USP46: variants seen among roughly 807,000 people sequenced by gnomAD.
USP46 encodes the protein ubiquitin carboxyl-terminal hydrolase 46.
In USP46, 12 loss-of-function variants were observed where a neutral mutation model predicts 44.4. The observed-to-expected ratio is 0.27, with a 90% CI of 0.17 to 0.44. USP46 has a LOEUF of 0.44. Among genes scored for constraint, USP46 ranks in the 20% least tolerant of loss-of-function variants. The pLI is 1.00. For missense variants in USP46, 248 were observed against 444.8 expected (o/e 0.56, Z 3.98); for synonymous variants, 155 against 161.5 (o/e 0.96, Z 0.31).
intron 1 of USP46, chr4:52,658,305 G>C (rs1254329204): frequency 2.2e-6 from 1 of 456,142 alleles, no homozygotes; most frequent in East Asian, 7.0e-5. Context: ...GAAAGCAATG[G>C]GGGAAACCCA....
chr4:52,598,352 T>C (rs1716324701), intron 8 of USP46, among the ~76,000 whole-genome samples: 1 of 152,202 alleles, frequency 6.6e-6, no homozygotes, highest in Non-Finnish European at 1.5e-5. Flanking sequence ...GAAACAAGAC[T>C]TAGACTGAAG....
Position 52,659,015 on chromosome 4 carries a change from C to T in USP46, c.36+100G>A. 1 of 1,402,320 alleles carries T rather than the reference C, an allele frequency of 7.1e-7. No individual in the cohort carries two copies. Among genetic ancestry groups the T allele is most frequent in the Non-Finnish European group, 9.5e-7 (1 of 1,057,224 alleles). The allele number at this position is 1,402,320 out of a possible 1,614,324, so 86.9% of individuals were successfully genotyped here. A position where few individuals can be genotyped will look rare whatever the true frequency, so the allele number is the denominator to read the frequency against. On this transcript the variant is annotated intron_variant, in intron 1 of 8. Coordinates refer to ENST00000441222, the MANE Select transcript of USP46 (RefSeq NM_022832.4). This position sits in a 1 kb window ranked among gnomAD's most constrained non-coding sequence, Gnocchi z 4.2. ...ACTTCTGGCGGCGCGGACCCCGCCG[C>T]CCCCGCCGCCCCAGCCACCGGGCGT... is the stretch of plus-strand genomic sequence containing the variant.
intron 1 of USP46, among the ~76,000 whole-genome samples, chr4:52,637,888 T>C (rs888976737): frequency 6.6e-6 from 1 of 152,138 alleles, no homozygotes; most frequent in Non-Finnish European, 1.5e-5. Context: ...TGCCCCCTGC[T>C]TACCATCTGA....
At chr4:52,603,544 G>A (rs1270722614) in intron 6 of USP46, among the ~76,000 whole-genome samples, 3 of 152,124 alleles carry the variant, frequency 2.0e-5, no homozygotes, top group East Asian at 1.9e-4. Flanking sequence ...GGAAGCCTTC[G>A]CAGGATGACT....
chr4:52,606,683 T>C (rs540816034), intron 5 of USP46, among the ~76,000 whole-genome samples: 1 of 152,322 alleles, frequency 6.6e-6, no homozygotes, highest in East Asian at 1.9e-4. Flanking sequence ...GCAAGTCACA[T>C]AGCCTGGACT....
rs1207163680 is a variant in USP46 at position 52,631,203 on chromosome 4, A to G, written c.37-59T>C. On this transcript the variant is annotated intron_variant, in intron 1 of 8. Transcript: ENST00000441222. The stretch of plus-strand genomic sequence containing the variant: ...TGTAAAATAGACAAAAAGTAAAATC[A>G]TACCTAAAAGAGTCTACTATTGAGA... 4 of 1,366,386 alleles carry G rather than the reference A, an allele frequency of 2.9e-6. No individual in the cohort carries two copies. In the African/African-American group the frequency reaches 5.8e-5, roughly 20 times the overall value. 84.6% of individuals were successfully genotyped at this position (1,366,386 alleles called of 1,614,324 possible).
At chr4:52,628,354 TGAA>T in intron 2 of USP46, 191 bp from the exon 3 acceptor site, 1 of 563,838 alleles carries the variant, frequency 1.8e-6, no homozygotes, top group Non-Finnish European at 3.1e-6. Context: ...CACAGAGAAA[TGAA>T]GAAAAATGCA....
At chr4:52,634,700 C>A (rs1390372340) in intron 1 of USP46, among the ~76,000 whole-genome samples, 1 of 152,032 alleles carries the variant, frequency 6.6e-6, no homozygotes, top group East Asian at 2.0e-4. Context: ...GCTGGGATTA[C>A]AGGCATGAGC....
intron 3 of USP46, among the ~76,000 whole-genome samples, chr4:52,626,769 G>T (rs9998304): frequency 1.3e-5 from 2 of 151,778 alleles, no homozygotes; most frequent in South Asian, 4.2e-4. Flanking sequence ...AAAATTTCCC[G>T]TATCTCCCTA....
At chr4:52,622,484 T>A (rs1253586072) in intron 4 of USP46, among the ~76,000 whole-genome samples, 1 of 152,184 alleles carries the variant, frequency 6.6e-6, no homozygotes, top group Non-Finnish European at 1.5e-5. Flanking sequence ...TCAAGAAACA[T>A]GACAAACATT....
intron 4 of USP46, among the ~76,000 whole-genome samples, chr4:52,612,335 G>A (rs1716966629): frequency 1.3e-5 from 2 of 151,960 alleles, no homozygotes; most frequent in African/African-American, 2.4e-5. Flanking sequence ...TTTTAATGAC[G>A]TTTATTTCTA....
intron 1 of USP46, chr4:52,658,078 A>T (rs1166755432): frequency 5.1e-6 from 2 of 388,412 alleles, no homozygotes; most frequent in Non-Finnish European, 1.0e-5. Flanking sequence ...TGGCACTGTA[A>T]GAGCACGTGT....
intron 1 of USP46, chr4:52,656,290 A>T (rs768264204): frequency 2.4e-5 from 37 of 1,551,326 alleles, no homozygotes; most frequent in Non-Finnish European, 3.0e-5. Context: ...CCTGTAAGAC[A>T]CCTACCTGAA....
At chr4:52,597,814 G>T in intron 8 of USP46, 73 bp from the exon 9 acceptor site, 1 of 1,075,190 alleles carries the variant, frequency 9.3e-7, no homozygotes, top group South Asian at 1.6e-5. Context: ...AAAACTAATG[G>T]AATATATATT....
intron 8 of USP46, 115 bp downstream of exon 8, chr4:52,598,513 G>T: frequency 1.7e-6 from 2 of 1,153,538 alleles, no homozygotes; most frequent in Non-Finnish European, 2.5e-6. Flanking sequence ...AATTTAAGTT[G>T]TTTTCAAATT....
At chr4:52,631,837 C>G (rs1248281425) in intron 1 of USP46, among the ~76,000 whole-genome samples, 1 of 152,128 alleles carries the variant, frequency 6.6e-6, no homozygotes, top group Non-Finnish European at 1.5e-5. Context: ...AAAATCCCAT[C>G]TCTACTAAAA....
At chr4:52,632,980 G>GAAAGAAAGAAAGAAAGAAAGAAAAGA (rs1553891291) in intron 1 of USP46, among the ~76,000 whole-genome samples, 49 of 71,424 alleles carry the variant, frequency 6.9e-4, no homozygotes, top group Non-Finnish European at 7.5e-4. Context: ...AAGAAAGAAA[G>GAAAGAAAGAAAGAAAGAAAGAAAAGA]AAAGAAAAGA....
At position 52,593,165 on chromosome 4, in the gene USP46, T is replaced by C. The variant is rs751338804; in HGVS notation, c.*4475A>G. 3.6e-5 allele frequency: 14 copies of C among 384,902 alleles called. No individual in the cohort carries two copies. The highest frequency in any genetic ancestry group is 9.0e-5 in the Admixed American group (2 of 22,296). The allele number at this position is 384,902 out of a possible 1,614,324, so 23.8% of individuals were successfully genotyped here. A position where few individuals can be genotyped will look rare whatever the true frequency, so the allele number is the denominator to read the frequency against. On this transcript the variant is annotated 3_prime_UTR_variant, in exon 9 of 9. Transcript: ENST00000441222. ...TTTTTTAGTAAAGGTATTTTAAGTATCAATAAAAAGAGAGGAAAGGAAATT... is the reference window on the plus strand; with the variant it reads ...TTTTTTAGTAAAGGTATTTTAAGTACCAATAAAAAGAGAGGAAAGGAAATT...
intron 1 of USP46, among the ~76,000 whole-genome samples, chr4:52,649,833 G>A (rs966658105): frequency 5.3e-5 from 8 of 152,224 alleles, no homozygotes; most frequent in African/African-American, 9.6e-5. Context: ...AGAGTTGTCA[G>A]TCTAACATGG....
Sources: allele counts gnomAD v4.1 joint callset (sites outside exome capture counted in the v4.1 genomes callset), GRCh38; gene constraint gnomAD v4.1.1; non-coding constraint Gnocchi (gnomAD v3.1); transcripts MANE v1.5; gene names NCBI Gene and HGNC (gene_info 2026-07-23, HGNC 2026-07-21).